The following DNAH14 variants were observed in gnomAD, a reference collection of about 807,000 sequenced individuals.
DNAH14 encodes dynein axonemal heavy chain 14, also known as axonemal beta dynein heavy chain 14.
A neutral mutation model predicts 520.9 loss-of-function variants in DNAH14; 478 were observed. That is an observed-to-expected ratio of 0.92 (90% CI 0.85 to 0.99). The LOEUF (loss-of-function observed/expected upper bound fraction) is 0.99. DNAH14 is among the 50% of genes least tolerant of loss of function. The pLI is 0.00. For synonymous variants in DNAH14, 1,581 were observed against 1,757.2 expected, an observed-to-expected ratio of 0.90 and a Z score of 2.51; for missense variants, 4,831 against 5,234.5, an observed-to-expected ratio of 0.92 and a Z score of 2.38.
At chr1:225,141,059 C>A in intron 28 of DNAH14, 38 bp downstream of exon 28, 1 of 1,466,868 alleles carries the variant, frequency 6.8e-7, no homozygotes, top group Non-Finnish European at 9.1e-7. Context: ...ACAATAACTT[C>A]TCCCAAATAT....
intron 11 of DNAH14, chr1:225,024,472 C>T (rs987173742): frequency 6.4e-6 from 1 of 155,742 alleles, no homozygotes; most frequent in Non-Finnish European, 1.4e-5. Flanking sequence ...TGATGGCATA[C>T]TTTGTAGCTG....
chr1:225,340,687 T>G lies in DNAH14; in HGVS notation c.10664T>G (p.Leu3555Arg). 1 of 1,551,278 alleles carries G rather than the reference T, an allele frequency of 6.4e-7. No homozygotes were observed. Among genetic ancestry groups the G allele is most frequent in the Non-Finnish European group, 8.7e-7 (1 of 1,146,806 alleles). Residue 3555 changes from leucine to arginine, a missense_variant, in exon 69 of 86, where the codon CTG becomes CGG. Transcript: ENST00000682510. ...EELEEKTLNL[L>R]QKALGSILDD... ...CTAGAGGAAAAAACATTAAATTTAC[T>G]GCAGAAAGCACTAGGTAAGTCAAGA...
At chr1:225,179,802 G>T (rs1174515928) in intron 36 of DNAH14, among the ~76,000 whole-genome samples, 10 of 152,090 alleles carry the variant, frequency 6.6e-5, no homozygotes, top group Non-Finnish European at 1.5e-4. Flanking sequence ...AGGTCTGATG[G>T]TGATGAATCC....
At position 225,080,576 on chromosome 1, in the gene DNAH14, G is replaced by T. The variant is rs1334939206; in HGVS notation, c.2964G>T (p.Glu988Asp). 3.0e-5 allele frequency: 46 copies of T among 1,551,956 alleles called. No individual in the cohort carries two copies. The East Asian group carries it at 1.1e-3, about 38-fold the overall frequency. ...VEEITQIVLS[E>D]ISDIEGDLTL... is the part of the protein sequence containing the mutation. ...AAATTACACAGATTGTGCTTTCAGA[G>T]ATCTCTGACATTGAAGGTGACTTGA... The change falls in exon 19 of 86, where the codon GAG becomes GAT. Residue 988 changes from glutamate to aspartate, a missense_variant. Glu to Asp is a conservative substitution (Grantham distance 45, BLOSUM62 2). Coordinates refer to ENST00000682510, the MANE Select transcript of DNAH14 (RefSeq NM_001367479.1).
At chr1:225,290,954 G>C (rs1347889403) in intron 55 of DNAH14, among the ~76,000 whole-genome samples, 1 of 151,440 alleles carries the variant, frequency 6.6e-6, no homozygotes, top group Non-Finnish European at 1.5e-5. Context: ...AATGCTATAG[G>C]TTAGTAGAAC....
chr1:225,260,978 G>T (rs1254148629), intron 46 of DNAH14, among the ~76,000 whole-genome samples: 3 of 152,052 alleles, frequency 2.0e-5, no homozygotes, highest in African/African-American at 7.2e-5. Flanking sequence ...TGACATTTTT[G>T]TATGTTGAGT....
chr1:225,268,276 C>T (rs984738882), intron 49 of DNAH14, among the ~76,000 whole-genome samples: 1 of 152,154 alleles, frequency 6.6e-6, no homozygotes, highest in Non-Finnish European at 1.5e-5. Flanking sequence ...CAAAATTCAA[C>T]AACCCTTCAT....
chr1:225,087,382 G>A (rs2073938111), intron 21 of DNAH14, among the ~76,000 whole-genome samples: 1 of 152,146 alleles, frequency 6.6e-6, no homozygotes, highest in Non-Finnish European at 1.5e-5. Context: ...CCTCTTAAAG[G>A]CCCCACATGT....
At chr1:224,991,863 GA>G (rs1337998411) in intron 8 of DNAH14, among the ~76,000 whole-genome samples, 8 of 152,232 alleles carry the variant, frequency 5.3e-5, no homozygotes, top group African/African-American at 1.9e-4. Flanking sequence ...GAACATACGC[GA>G]AAAAGGTCAA....
At chr1:225,312,329 T>C (rs1224121451) in intron 60 of DNAH14, among the ~76,000 whole-genome samples, 1 of 152,208 alleles carries the variant, frequency 6.6e-6, no homozygotes, top group East Asian at 1.9e-4. Flanking sequence ...GCTTATCAGC[T>C]TAAGGAGTTT....
chr1:225,348,469 A>G (rs1423131132), intron 71 of DNAH14, among the ~76,000 whole-genome samples: 2 of 152,196 alleles, frequency 1.3e-5, no homozygotes, highest in African/African-American at 4.8e-5. Flanking sequence ...CAGAATCTTG[A>G]AAGCAGCAAG....
intron 79 of DNAH14, among the ~76,000 whole-genome samples, chr1:225,377,887 A>AT (rs2095722818): frequency 6.6e-6 from 1 of 152,190 alleles, no homozygotes; most frequent in African/African-American, 2.4e-5. Flanking sequence ...TATAAAGTTA[A>AT]TGTACTTCAA....
intron 22 of DNAH14, among the ~76,000 whole-genome samples, chr1:225,099,897 T>C (rs2075304807): frequency 6.6e-6 from 1 of 152,018 alleles, no homozygotes; most frequent in Non-Finnish European, 1.5e-5. Context: ...AAAAAGTCCC[T>C]CTAAATTCCT....
chr1:225,180,533 G>C lies in DNAH14; in HGVS notation c.5536-4758G>C, dbSNP rs190846166. Reference sequence around the variant, plus strand: ...GATGTAACACGGTAAGATAGGAAACGAGAGATGGGCAAGATGCCAGGCTTT... The same window carrying C: ...GATGTAACACGGTAAGATAGGAAACCAGAGATGGGCAAGATGCCAGGCTTT... On this transcript the variant is annotated intron_variant, in intron 36 of 85. Transcript: ENST00000682510. Among the ~76,000 whole-genome samples the C allele has an allele frequency of 3.9e-3, 591 of 152,060 alleles. 5 individuals are homozygous for C. The highest frequency in any genetic ancestry group is 0.013 in the African/African-American group (559 of 41,472).
Position 225,206,150 on chromosome 1 carries a change from A to G in DNAH14, c.6157A>G (p.Thr2053Ala), listed in dbSNP as rs1453051057. 4 of 1,551,362 alleles carry G rather than the reference A, an allele frequency of 2.6e-6. No individual in the cohort carries two copies. Among genetic ancestry groups the G allele is most frequent in the East Asian group, 4.9e-5 (2 of 40,908 alleles). Reference sequence around the variant, plus strand: ...CAATCTCTCTCAGGCCAGTCCTGCTACTGTCAGCCGATGTGCCATGGTCTA... The same window carrying G: ...CAATCTCTCTCAGGCCAGTCCTGCTGCTGTCAGCCGATGTGCCATGGTCTA... ...VDNLSQASPA[T>A]VSRCAMVYMD... Residue 2053 changes from threonine (T) to alanine (A), a missense_variant, in exon 40 of 86, where the codon ACT becomes GCT. Coordinates refer to ENST00000682510, the MANE Select transcript of DNAH14 (RefSeq NM_001367479.1).
At chr1:225,268,257 G>C (rs2093191265) in intron 49 of DNAH14, among the ~76,000 whole-genome samples, 1 of 152,050 alleles carries the variant, frequency 6.6e-6, no homozygotes, top group African/African-American at 2.4e-5. Context: ...ATACAGAAAA[G>C]GCCTTTGACA....
At chr1:225,207,909 A>G (rs1345233845) in intron 41 of DNAH14, among the ~76,000 whole-genome samples, 2 of 152,212 alleles carry the variant, frequency 1.3e-5, no homozygotes, top group African/African-American at 2.4e-5. Context: ...TTAGGTGTGT[A>G]CTTTCCCCAT....
Position 225,360,764 on chromosome 1 carries a change from C to T in DNAH14, c.11860C>T (p.Arg3954Cys), listed in dbSNP as rs146438399. Residue 3954 changes from arginine to cysteine, a missense_variant, in exon 75 of 86, where the codon CGT (arginine) becomes TGT (cysteine). Transcript: ENST00000682510. Reference sequence around the variant, plus strand: ...TCATGTGACCATAATTTCTCTGGGCCGTGACCAAGCAGCTAAAGCTGAAGA... The same window carrying T: ...TCATGTGACCATAATTTCTCTGGGCTGTGACCAAGCAGCTAAAGCTGAAGA... ...THHVTIISLGRDQAAKAEDLI... is the reference protein window; with the variant it reads ...THHVTIISLGCDQAAKAEDLI... 1.9e-6 allele frequency: 3 copies of T among 1,551,652 alleles called. No homozygotes were observed. Among genetic ancestry groups the T allele is most frequent in the East Asian group, 2.4e-5 (1 of 40,914 alleles).
intron 10 of DNAH14, among the ~76,000 whole-genome samples, chr1:225,013,895 TG>T: frequency 6.6e-6 from 1 of 152,100 alleles, no homozygotes; most frequent in South Asian, 2.1e-4. Flanking sequence ...CTGGGCTCCT[TG>T]GGGGTGGGAT....
Sources: allele counts gnomAD v4.1 joint callset (sites outside exome capture counted in the v4.1 genomes callset), GRCh38; gene constraint gnomAD v4.1.1; transcripts MANE v1.5; gene names NCBI Gene and HGNC (gene_info 2026-07-23, HGNC 2026-07-21).